The following CNNM3 variants were observed in gnomAD, a reference collection of about 807,000 sequenced individuals.
CNNM3 encodes the protein metal transporter CNNM3.
In CNNM3, 47 loss-of-function variants were observed where a neutral mutation model predicts 57.1. The observed-to-expected ratio is 0.82, with a 90% CI of 0.65 to 1.05. CNNM3 has a LOEUF of 1.05. CNNM3 is among the 50% of genes least tolerant of loss of function. CNNM3 has a pLI of 0.00. For missense variants in CNNM3, 957 were observed against 973.7 expected, an observed-to-expected ratio of 0.98 and a Z score of 0.23; for synonymous variants, 507 against 478.2, an observed-to-expected ratio of 1.06 and a Z score of -0.79.
At chr2:96,819,108 T>A (rs866953273) in intron 1 of CNNM3, among the ~76,000 whole-genome samples, 7 of 152,312 alleles carry the variant, frequency 4.6e-5, no homozygotes, top group South Asian at 2.1e-4. Flanking sequence ...GGTGGGCAGC[T>A]CTATTCTTTT....
rs956425092 is a variant in CNNM3 at position 96,816,547 on chromosome 2, G to A, written c.270G>A (p.Ala90=). 7.5e-7 allele frequency: 1 copy of A among 1,329,920 alleles called. No individual in the cohort carries two copies. 82.4% of individuals were successfully genotyped at this position (1,329,920 alleles called of 1,614,324 possible). A position where few individuals can be genotyped will look rare whatever the true frequency, so the allele number is the denominator to read the frequency against. The change falls in exon 1 of 8, where the codon GCG becomes GCA. Residue 90 remains alanine (A), a synonymous_variant. Transcript: ENST00000305510. ...AGGGGGCGGGCTGCCGGGAGGAGGC[G>A]GCCTCCCCCGCGGGCGAGTGGCGCG... The part of the protein sequence containing the change: ...APEGAGCREE[A]ASPAGEWRAL...
chr2:96,832,438 C>T, intron 7 of CNNM3, 114 bp from the exon 8 acceptor site: 1 of 1,553,610 alleles, frequency 6.4e-7, no homozygotes, highest in Non-Finnish European at 8.7e-7. Flanking sequence ...CCCAAGGCAT[C>T]CCGAAGCACC....
chr2:96,832,646 A>G lies in CNNM3; in HGVS notation c.*30A>G, dbSNP rs1240732843. 8 of 1,611,460 alleles carry G rather than the reference A, an allele frequency of 5.0e-6. No homozygotes were observed. The African/African-American group carries it at 8.0e-5, about 16-fold the overall frequency. On this transcript the variant is annotated 3_prime_UTR_variant, in exon 8 of 8. Transcript: ENST00000305510. ...TCACTAGGCAGCCCCAGATCTGGGG[A>G]ACAGATGAGCACGTGGGGAGCTGGA...
Position 96,817,163 on chromosome 2 carries a change from G to A in CNNM3, c.886G>A (p.Gly296Ser), listed in dbSNP as rs891300122. ...LRERVLELARGGGDPYSDLSK... is the reference protein window; with the variant it reads ...LRERVLELARSGGDPYSDLSK... ...GGAGCGGGTGCTGGAGCTGGCGCGC[G>A]GCGGCGGCGACCCCTACAGCGATCT... The change falls in exon 1 of 8, where the codon GGC becomes AGC. Residue 296 changes from glycine to serine, a missense_variant. Gly to Ser is a moderately conservative substitution (Grantham distance 56). Around this residue, in one of 2 missense-constraint regions of CNNM3, gnomAD observed 491 missense variants for 570.6 expected, o/e 0.86. Coordinates refer to ENST00000305510, the MANE Select transcript of CNNM3 (RefSeq NM_017623.5). 7.0e-7 allele frequency: 1 copy of A among 1,429,792 alleles called. No homozygotes were observed. Among genetic ancestry groups the A allele is most frequent in the Non-Finnish European group, 9.1e-7 (1 of 1,100,546 alleles). The allele number at this position is 1,429,792 out of a possible 1,614,324, so 88.6% of individuals were successfully genotyped here. A position where few individuals can be genotyped will look rare whatever the true frequency, so the allele number is the denominator to read the frequency against.
In CNNM3 at chr2:96,816,632, G is replaced by T; in HGVS notation, c.355G>T (p.Val119Leu). The T allele has an allele frequency of 8.8e-7, 1 of 1,142,094 alleles. No homozygotes were observed. The allele number at this position is 1,142,094 out of a possible 1,614,324, so 70.7% of individuals were successfully genotyped here. Residue 119 changes from valine (V) to leucine (L), a missense_variant, in exon 1 of 8, where the codon GTG becomes TTG. Val to Leu is a conservative substitution (Grantham distance 32, BLOSUM62 1). Around this residue, in one of 2 missense-constraint regions of CNNM3, gnomAD observed 466 missense variants for 403.1 expected, o/e 1.16. Coordinates refer to ENST00000305510, the MANE Select transcript of CNNM3 (RefSeq NM_017623.5). ...GCGCCCGCACTCGGCGCTGCTGGCGGTGCGCGTGGAGCCGGGTGGCGGGGC... is the reference window on the plus strand; with the variant it reads ...GCGCCCGCACTCGGCGCTGCTGGCGTTGCGCGTGGAGCCGGGTGGCGGGGC... ...AVRPHSALLA[V>L]RVEPGGGAAE...
intron 7 of CNNM3, 56 bp from the exon 8 acceptor site, chr2:96,832,496 T>A: frequency 6.2e-7 from 1 of 1,611,230 alleles, no homozygotes; most frequent in South Asian, 1.1e-5. Flanking sequence ...GCACTTGGTT[T>A]TGACAGGATA....
At chr2:96,822,232 T>G (rs925987127) in intron 1 of CNNM3, among the ~76,000 whole-genome samples, 5 of 152,172 alleles carry the variant, frequency 3.3e-5, no homozygotes, top group African/African-American at 1.2e-4. Flanking sequence ...TTCGATCTCT[T>G]GACCTTATGA....
At chr2:96,828,272 C>T (rs1427332014) in intron 5 of CNNM3, 77 bp downstream of exon 5, 3 of 1,190,282 alleles carry the variant, frequency 2.5e-6, no homozygotes, top group South Asian at 1.3e-5. Context: ...CTTGGGCTCT[C>T]AGTGCCCCTC....
In CNNM3 at chr2:96,832,745, T is replaced by G; in HGVS notation, c.*129T>G. 1 of 1,542,794 alleles carries G rather than the reference T, an allele frequency of 6.5e-7. No individual in the cohort carries two copies. The highest frequency in any genetic ancestry group is 1.2e-5 in the South Asian group (1 of 84,170). On this transcript the variant is annotated 3_prime_UTR_variant, in exon 8 of 8. Coordinates refer to ENST00000305510, the MANE Select transcript of CNNM3 (RefSeq NM_017623.5). ...CCACGTTTTAGATGGCCCTTGTAGT[T>G]GCGGGTCCTGGGTGTCCTCAGAACT...
At chr2:96,819,611 T>A (rs564058076) in intron 1 of CNNM3, among the ~76,000 whole-genome samples, 1 of 152,036 alleles carries the variant, frequency 6.6e-6, no homozygotes, top group African/African-American at 2.4e-5. Context: ...TCCTTTTTTT[T>A]AGGGAAAAAG....
Position 96,817,313 on chromosome 2 carries a change from C to T in CNNM3, c.1036C>T (p.His346Tyr). Residue 346 changes from histidine to tyrosine, a missense_variant, in exon 1 of 8, where the codon CAC (histidine) becomes TAC (tyrosine). Physicochemically the swap from His to Tyr is moderately conservative, Grantham distance 83. Around this residue, in one of 2 missense-constraint regions of CNNM3, gnomAD observed 491 missense variants for 570.6 expected, o/e 0.86. Coordinates refer to ENST00000305510, the MANE Select transcript of CNNM3 (RefSeq NM_017623.5). ...CCTGGCCAGCATCATGCAGAGCGGC[C>T]ACACGCGCATCCCGGTGTACGAGGA... ...GVLASIMQSG[H>Y]TRIPVYEEER... The T allele has an allele frequency of 6.2e-7, 1 of 1,614,028 alleles. No individual in the cohort carries two copies. The highest frequency in any genetic ancestry group is 8.5e-7 in the Non-Finnish European group (1 of 1,180,038).
intron 7 of CNNM3, among the ~76,000 whole-genome samples, chr2:96,831,595 G>A (rs1054979926): frequency 3.3e-5 from 5 of 152,226 alleles, no homozygotes; most frequent in African/African-American, 1.2e-4. Flanking sequence ...CAGTGGAGCT[G>A]AGTAGCTGTG....
chr2:96,835,368 A>G lies in CNNM3; in HGVS notation c.*2752A>G, dbSNP rs1453909401. Among the ~76,000 whole-genome samples the G allele has an allele frequency of 6.6e-6, 1 of 152,170 alleles. No homozygotes were observed. The highest frequency in any genetic ancestry group is 6.5e-5 in the Admixed American group (1 of 15,276). ...TGGGGCTATTCCAAATAAAGCTGCT[A>G]CGACTATTCATGTACAGGTTTCTGT... On this transcript the variant is annotated 3_prime_UTR_variant, in exon 8 of 8. Transcript: ENST00000305510.
At chr2:96,817,877 GA>G (rs1001078352) in intron 1 of CNNM3, among the ~76,000 whole-genome samples, 1 of 152,062 alleles carries the variant, frequency 6.6e-6, no homozygotes, top group Non-Finnish European at 1.5e-5. Flanking sequence ...ATAGAAACTA[GA>G]AGAACATAGA....
intron 1 of CNNM3, among the ~76,000 whole-genome samples, chr2:96,817,902 T>C (rs2079349206): frequency 6.6e-6 from 1 of 152,200 alleles, no homozygotes; most frequent in Non-Finnish European, 1.5e-5. Context: ...GATGGTAGTC[T>C]CCAGGTATCT....
intron 1 of CNNM3, among the ~76,000 whole-genome samples, chr2:96,822,822 A>T (rs1259063649): frequency 6.6e-6 from 1 of 152,238 alleles, no homozygotes; most frequent in Non-Finnish European, 1.5e-5. Context: ...CATCATAGAA[A>T]TTGGGCATTA....
At chr2:96,821,401 G>A (rs956311338) in intron 1 of CNNM3, among the ~76,000 whole-genome samples, 2 of 152,054 alleles carry the variant, frequency 1.3e-5, no homozygotes, top group African/African-American at 4.8e-5. Flanking sequence ...TCTGAATTTC[G>A]TGGAGCTGGA....
chr2:96,820,291 C>T (rs1251002869), intron 1 of CNNM3, among the ~76,000 whole-genome samples: 1 of 152,148 alleles, frequency 6.6e-6, no homozygotes, highest in Non-Finnish European at 1.5e-5. Flanking sequence ...AGGATGAGGC[C>T]CAGATTTCTG....
Position 96,832,738 on chromosome 2 carries a change from T to G in CNNM3, c.*122T>G, listed in dbSNP as rs2079625110. The G allele has an allele frequency of 6.4e-7, 1 of 1,557,588 alleles. No homozygotes were observed. Among genetic ancestry groups the G allele is most frequent in the East Asian group, 2.3e-5 (1 of 43,824 alleles). On this transcript the variant is annotated 3_prime_UTR_variant, in exon 8 of 8. Coordinates refer to ENST00000305510, the MANE Select transcript of CNNM3 (RefSeq NM_017623.5). ...CTCCAGGCCACGTTTTAGATGGCCC[T>G]TGTAGTTGCGGGTCCTGGGTGTCCT... is the stretch of plus-strand genomic sequence containing the variant.
Sources: gnomAD v4.1 joint callset for allele counts (sites outside exome capture counted in the v4.1 genomes callset) on GRCh38, gnomAD v4.1.1 for gene constraint, gnomAD v4.1.1 regional missense constraint, MANE v1.5 for transcripts, NCBI Gene and HGNC (gene_info 2026-07-23, HGNC 2026-07-21) for gene names.